The following DBT variants were observed in gnomAD, a reference collection of about 807,000 sequenced individuals.
DBT encodes dihydrolipoamide branched chain transacylase E2.
A neutral mutation model predicts 51.3 loss-of-function variants in DBT; 40 were observed. The ratio of observed to expected loss-of-function variants is 0.78; its 90% CI spans 0.61 to 1.02. The LOEUF (loss-of-function observed/expected upper bound fraction) is 1.02, where lower values mean the gene tolerates loss of function less well. DBT is among the 50% of genes least tolerant of loss of function. The pLI, the probability that DBT is intolerant of heterozygous loss-of-function variation, is 0.00. For missense variants in DBT, 510 were observed against 580.2 expected (o/e 0.88, Z 1.24); for synonymous variants, 181 against 190.4 (o/e 0.95, Z 0.41).
At chr1:100,206,168 T>G in intron 10 of DBT, 62 bp downstream of exon 10, 1 of 1,111,992 alleles carries the variant, frequency 9.0e-7, no homozygotes, top group South Asian at 1.3e-5. Flanking sequence ...ATGGTTACTC[T>G]TCATTGTGTT....
chr1:100,193,952 G>T lies in DBT; in HGVS notation c.*2303C>A, dbSNP rs1278272005. The T allele has an allele frequency of 6.6e-6, 1 of 152,028 alleles. No homozygotes were observed. Among genetic ancestry groups the T allele is most frequent in the Non-Finnish European group, 1.5e-5 (1 of 68,004 alleles). The allele number at this position is 152,028 out of a possible 1,614,324, so 9.4% of individuals were successfully genotyped here. A position where few individuals can be genotyped will look rare whatever the true frequency, so the allele number is the denominator to read the frequency against. On this transcript the variant is annotated 3_prime_UTR_variant, in exon 11 of 11. Coordinates refer to ENST00000370132, the MANE Select transcript of DBT (RefSeq NM_001918.5). ...GTGGAATTGTTTATTGACATGTAAG[G>T]TTACCCATAATATAATGTTAAATTT...
chr1:100,249,687 G>A, intron 1 of DBT, 83 bp downstream of exon 1: 2 of 1,372,462 alleles, frequency 1.5e-6, no homozygotes, highest in Non-Finnish European at 2.1e-6. Context: ...GCCTGGCACC[G>A]GAGGAGAAAG....
rs368685149 is a variant in DBT at position 100,230,964 on chromosome 1, G to A, written c.252-50C>T. 158 of 1,114,324 alleles carry A rather than the reference G, an allele frequency of 1.4e-4. 1 individual carries two copies. Among genetic ancestry groups the A allele is most frequent in the South Asian group, 9.4e-4 (76 of 80,888 alleles). 69.0% of individuals were successfully genotyped at this position (1,114,324 alleles called of 1,614,324 possible). A position where few individuals can be genotyped will look rare whatever the true frequency, so the allele number is the denominator to read the frequency against. ...TTTTATGGAAACAGTCATAAGTACA[G>A]ATCATATTAAGGATGTAAATGCCAT... is the stretch of plus-strand genomic sequence containing the variant. On this transcript the variant is annotated intron_variant, in intron 3 of 10. Coordinates refer to ENST00000370132, the MANE Select transcript of DBT (RefSeq NM_001918.5).
chr1:100,209,534 G>T (rs1228119944), intron 8 of DBT, among the ~76,000 whole-genome samples: 2 of 151,874 alleles, frequency 1.3e-5, no homozygotes, highest in African/African-American at 4.8e-5. Flanking sequence ...TCACTTTCTG[G>T]TTGTACATGT....
chr1:100,206,577 C>T lies in DBT; in HGVS notation c.1077G>A (p.Val359=). 7 of 1,612,540 alleles carry T rather than the reference C, an allele frequency of 4.3e-6. No homozygotes were observed. The highest frequency in any genetic ancestry group is 5.9e-6 in the Non-Finnish European group (7 of 1,178,604). The stretch of plus-strand genomic sequence containing the variant: ...ATATAGAGCAGATCTGAACATTTTT[C>T]ACATTAGGGACAATCAAACCCTGCT... ...DTEQGLIVPN[V]KNVQICSIFD... is the part of the protein sequence containing the mutation. Residue 359 remains valine, a synonymous_variant, in exon 9 of 11, where the codon GTG becomes GTA. Transcript: ENST00000370132.
intron 4 of DBT, among the ~76,000 whole-genome samples, chr1:100,221,296 A>G (rs1420109960): frequency 1.3e-5 from 2 of 152,248 alleles, no homozygotes; most frequent in South Asian, 2.1e-4. Context: ...GTAATAAAAT[A>G]CCACCTTACT....
At chr1:100,242,404 A>G (rs951119060) in intron 1 of DBT, among the ~76,000 whole-genome samples, 1 of 152,136 alleles carries the variant, frequency 6.6e-6, no homozygotes, top group Admixed American at 6.5e-5. Flanking sequence ...TTATTTTTTT[A>G]CTTTAAATTT....
chr1:100,240,662 C>CT (rs950831084), intron 2 of DBT, 99 bp downstream of exon 2: 163 of 1,028,084 alleles, frequency 1.6e-4, no homozygotes, highest in Non-Finnish European at 1.9e-4. Flanking sequence ...ACAGAGTCAA[C>CT]TTTTTTTTGT....
rs1422612750 is a variant in DBT, at chr1:100,210,352, G to GAAT, written c.1017+339_1017+341dup. ...AGAAGAAGAAGAAGAAGAAGAATAA[G>GAAT]AATAATAATATTAAAATTCCAGGAA... On this transcript the variant is annotated intron_variant, in intron 8 of 10. Transcript: ENST00000370132. Among the ~76,000 whole-genome samples, 19 of 101,638 alleles carry GAAT rather than the reference G, an allele frequency of 1.9e-4. No individual in the cohort carries two copies. The East Asian group carries it at 2.1e-3, about 11-fold the overall frequency. 66.7% of individuals were successfully genotyped at this position (101,638 alleles called of 152,430 possible).
chr1:100,214,926 C>T lies in DBT; in HGVS notation c.830G>A (p.Gly277Asp). ...AGTAAGGTCAATCTCATCACAATAA[C>T]CAAAATGAGGTATCTTCAGGGCTGC... ...MSAALKIPHFGYCDEIDLTEL... is the reference protein window; with the variant it reads ...MSAALKIPHFDYCDEIDLTEL... The change falls in exon 7 of 11, where the codon GGT becomes GAT. Residue 277 changes from glycine (G) to aspartate (D), a missense_variant. Transcript: ENST00000370132. 5.6e-6 allele frequency: 9 copies of T among 1,613,166 alleles called. No individual in the cohort carries two copies. The highest frequency in any genetic ancestry group is 7.6e-6 in the Non-Finnish European group (9 of 1,179,168).
intron 8 of DBT, 26 bp downstream of exon 8, chr1:100,210,668 G>A (rs528530255): frequency 5.0e-6 from 8 of 1,612,404 alleles, no homozygotes; most frequent in Non-Finnish European, 6.8e-6. Flanking sequence ...TTAATAATAA[G>A]AACATTTTTA....
At chr1:100,206,715 C>T (rs1260003272) in intron 8 of DBT, 79 bp from the exon 9 acceptor site, 2 of 813,338 alleles carry the variant, frequency 2.5e-6, no homozygotes, top group Non-Finnish European at 4.3e-6. Context: ...TCACTGCCAT[C>T]TAGAAACCAC....
chr1:100,215,992 GT>G lies in DBT; in HGVS notation c.762del (p.Glu254AspfsTer3), dbSNP rs2100799447. ...PPVFTGKDKT[E>X]PIKGFQKAMV... The stretch of plus-strand genomic sequence containing the variant: ...TTATTATTATCATTACCTTTTATGG[GT>G]TCTGTTTTGTCTTTGCCTGTGAATA... On this transcript the variant is annotated frameshift_variant, in exon 6 of 11. Coordinates refer to ENST00000370132, the MANE Select transcript of DBT (RefSeq NM_001918.5). LOFTEE classifies it high-confidence loss of function. 6.4e-7 allele frequency: 1 copy of G among 1,568,198 alleles called. No homozygotes were observed. Among genetic ancestry groups the G allele is most frequent in the Non-Finnish European group, 8.8e-7 (1 of 1,138,400 alleles).
At chr1:100,212,549 G>GAAGA (rs1236482865) in intron 7 of DBT, among the ~76,000 whole-genome samples, 1 of 151,654 alleles carries the variant, frequency 6.6e-6, no homozygotes, top group Non-Finnish European at 1.5e-5. Context: ...AAAAAAAAAA[G>GAAGA]AAGAAAGAAA....
rs939348816 is a variant in DBT at position 100,194,204 on chromosome 1, G to C, written c.*2051C>G. The C allele has an allele frequency of 6.6e-6, 1 of 151,994 alleles. No homozygotes were observed. Among genetic ancestry groups the C allele is most frequent in the African/African-American group, 2.4e-5 (1 of 41,356 alleles). 9.4% of individuals were successfully genotyped at this position (151,994 alleles called of 1,614,324 possible). ...TTTTTTAGAGACCAGGTCTCACTCT[G>C]TCACCCATACTGGAGGATAGTGGCA... On this transcript the variant is annotated 3_prime_UTR_variant, in exon 11 of 11. Coordinates refer to ENST00000370132, the MANE Select transcript of DBT (RefSeq NM_001918.5).
At chr1:100,219,689 C>A (rs1662728195) in intron 4 of DBT, among the ~76,000 whole-genome samples, 1 of 151,936 alleles carries the variant, frequency 6.6e-6, no homozygotes, top group South Asian at 2.1e-4. Context: ...GTCAAGCCTG[C>A]AGTGAGACAT....
Position 100,195,138 on chromosome 1 carries a change from T to C in DBT, c.*1117A>G, listed in dbSNP as rs1661016823. The stretch of plus-strand genomic sequence containing the variant: ...GAATGGAATAGACCTTAATTTCTTA[T>C]CCTATTTTTTAGCTGAAGACCAAAA... On this transcript the variant is annotated 3_prime_UTR_variant, in exon 11 of 11. Coordinates refer to ENST00000370132, the MANE Select transcript of DBT (RefSeq NM_001918.5). The C allele has an allele frequency of 6.6e-6, 1 of 152,620 alleles. No homozygotes were observed. The highest frequency in any genetic ancestry group is 2.4e-5 in the African/African-American group (1 of 41,442). The allele number at this position is 152,620 out of a possible 1,614,324, so 9.5% of individuals were successfully genotyped here.
chr1:100,189,810 A>G lies in DBT; in HGVS notation c.*6445T>C, dbSNP rs1474891751. 6.6e-6 allele frequency: 1 copy of G among 152,236 alleles called. No homozygotes were observed. Among genetic ancestry groups the G allele is most frequent in the African/African-American group, 2.4e-5 (1 of 41,466 alleles). The allele number at this position is 152,236 out of a possible 1,614,324, so 9.4% of individuals were successfully genotyped here. ...TTGTTTTTCGTTTGTTTTAGGGACT[A>G]TTTAAAAAATAAGAACATTTGTGTC... On this transcript the variant is annotated 3_prime_UTR_variant, in exon 11 of 11. Transcript: ENST00000370132.
chr1:100,201,970 A>G (rs1365412680), intron 10 of DBT, among the ~76,000 whole-genome samples: 1 of 152,234 alleles, frequency 6.6e-6, no homozygotes, highest in Non-Finnish European at 1.5e-5. Context: ...TGTAAAGACC[A>G]TCGACACTAT....
Sources: gnomAD v4.1 joint callset for allele counts (sites outside exome capture counted in the v4.1 genomes callset) on GRCh38, gnomAD v4.1.1 for gene constraint, MANE v1.5 for transcripts, NCBI Gene and HGNC (gene_info 2026-07-23, HGNC 2026-07-21) for gene names.